Variants in KCNC2 observed in about 807,000 individuals in gnomAD.
KCNC2 encodes potassium voltage-gated channel subfamily C member 2.
A neutral mutation model predicts 44.5 loss-of-function variants in KCNC2; 21 were observed. The observed-to-expected ratio is 0.47, with a 90% CI of 0.33 to 0.68. KCNC2 has a LOEUF of 0.68. KCNC2 is among the 30% of genes least tolerant of loss of function. The pLI is 0.01. For missense variants in KCNC2, 589 were observed against 826.2 expected, an observed-to-expected ratio of 0.71 and a Z score of 3.52; for synonymous variants, 391 against 339.1, an observed-to-expected ratio of 1.15 and a Z score of -1.68.
intron 2 of KCNC2, among the ~76,000 whole-genome samples, chr12:75,090,109 T>A (rs1215430135): frequency 6.6e-6 from 1 of 151,706 alleles, no homozygotes. Flanking sequence ...TATAAGAAGT[T>A]CAAATTATCA....
chr12:75,132,516 C>T (rs1888925959), intron 2 of KCNC2, among the ~76,000 whole-genome samples: 1 of 151,962 alleles, frequency 6.6e-6, no homozygotes, highest in Admixed American at 6.6e-5. Flanking sequence ...ACTATTGGAA[C>T]AAAACAAAAT....
At chr12:75,166,355 T>C (rs1255183788) in intron 2 of KCNC2, among the ~76,000 whole-genome samples, 1 of 150,844 alleles carries the variant, frequency 6.6e-6, no homozygotes, top group African/African-American at 2.4e-5. Flanking sequence ...AATTCAACAA[T>C]TGCAGTTAGT....
At chr12:75,153,614 T>C (rs1890558590) in intron 2 of KCNC2, among the ~76,000 whole-genome samples, 1 of 151,174 alleles carries the variant, frequency 6.6e-6, no homozygotes, top group African/African-American at 2.4e-5. Flanking sequence ...CCCCTAAATC[T>C]ATAATAATAA....
At chr12:75,149,876 T>C (rs1394621348) in intron 2 of KCNC2, among the ~76,000 whole-genome samples, 2 of 151,912 alleles carry the variant, frequency 1.3e-5, no homozygotes, top group African/African-American at 4.8e-5. Context: ...AATGGAGGAT[T>C]ATTGAGACAA....
chr12:75,129,649 A>C (rs546737491), intron 2 of KCNC2, among the ~76,000 whole-genome samples: 1 of 152,306 alleles, frequency 6.6e-6, no homozygotes, highest in East Asian at 1.9e-4. Flanking sequence ...TAGAAACTGT[A>C]CTGGGTGAAG....
intron 4 of KCNC2, chr12:75,044,329 A>G (rs1423878419): frequency 6.6e-6 from 1 of 152,160 alleles, no homozygotes; most frequent in East Asian, 1.9e-4. Context: ...GGCAACCAAA[A>G]TTGAGCAAGT....
chr12:75,129,603 A>G (rs1345723239), intron 2 of KCNC2, among the ~76,000 whole-genome samples: 1 of 152,180 alleles, frequency 6.6e-6, no homozygotes, highest in East Asian at 1.9e-4. Flanking sequence ...TATTTCATAT[A>G]CACAAGTTGA....
At chr12:75,150,100 C>T (rs952541796) in intron 2 of KCNC2, among the ~76,000 whole-genome samples, 1 of 151,900 alleles carries the variant, frequency 6.6e-6, no homozygotes. Flanking sequence ...TATCCAGAGC[C>T]TGCTATAACT....
intron 2 of KCNC2, among the ~76,000 whole-genome samples, chr12:75,165,252 G>T (rs1443882414): frequency 3.3e-5 from 5 of 151,480 alleles, no homozygotes; most frequent in East Asian, 2.0e-4. Flanking sequence ...TACATAAAAT[G>T]CACAAAAGAG....
intron 2 of KCNC2, among the ~76,000 whole-genome samples, chr12:75,198,716 C>T (rs2030986040): frequency 6.6e-6 from 1 of 151,786 alleles, no homozygotes; most frequent in South Asian, 2.1e-4. Flanking sequence ...AGCATTTAAT[C>T]CTAAGTCAAT....
At chr12:75,205,814 T>C (rs960752872) in intron 2 of KCNC2, among the ~76,000 whole-genome samples, 1 of 149,704 alleles carries the variant, frequency 6.7e-6, no homozygotes, top group South Asian at 2.1e-4. Flanking sequence ...GAATATGCAC[T>C]TGCGGTTTTG....
intron 2 of KCNC2, among the ~76,000 whole-genome samples, chr12:75,105,361 C>A (rs573012313): frequency 5.3e-5 from 8 of 152,212 alleles, no homozygotes; most frequent in African/African-American, 1.9e-4. Context: ...AAGGGACAAA[C>A]TGATACAAGT....
chr12:75,188,732 T>C (rs2029908203), intron 2 of KCNC2, among the ~76,000 whole-genome samples: 1 of 151,482 alleles, frequency 6.6e-6, no homozygotes. Flanking sequence ...TGGTGGTGCG[T>C]GCCTGTAATC....
intron 2 of KCNC2, among the ~76,000 whole-genome samples, chr12:75,071,171 A>T (rs1883361485): frequency 6.6e-6 from 1 of 152,170 alleles, no homozygotes; most frequent in African/African-American, 2.4e-5. Flanking sequence ...CTCTTTATAT[A>T]GTTACTCTTT....
chr12:75,052,612 T>C lies in KCNC2; in HGVS notation c.688-1295A>G, dbSNP rs562285667. Among the ~76,000 whole-genome samples the C allele has an allele frequency of 3.3e-5, 5 of 152,260 alleles. No individual in the cohort carries two copies. The East Asian group carries it at 9.7e-4, about 29-fold the overall frequency. On this transcript the variant is annotated intron_variant, in intron 2 of 4. Coordinates refer to ENST00000549446, the MANE Select transcript of KCNC2 (RefSeq NM_139137.4). ...TTGTCAGTCAAGCGGAGGGAGGTTC[T>C]TACTTGAAAATAATAGAATGTATCC...
chr12:75,157,074 A>G (rs1035442474), intron 2 of KCNC2, among the ~76,000 whole-genome samples: 5 of 151,888 alleles, frequency 3.3e-5, no homozygotes, highest in Admixed American at 3.3e-4. Flanking sequence ...ACAAATAGTC[A>G]TTCTCCCTTC....
chr12:75,158,350 G>T (rs1890896571), intron 2 of KCNC2, among the ~76,000 whole-genome samples: 1 of 151,808 alleles, frequency 6.6e-6, no homozygotes, highest in Non-Finnish European at 1.5e-5. Context: ...ATTTTAATAA[G>T]AATTAAACCA....
At chr12:75,108,466 C>A (rs1291878274) in intron 2 of KCNC2, among the ~76,000 whole-genome samples, 1 of 152,194 alleles carries the variant, frequency 6.6e-6, no homozygotes, top group Non-Finnish European at 1.5e-5. Flanking sequence ...TGCCATTTTT[C>A]TCCTTTCAAC....
chr12:75,060,950 A>T (rs564776959), intron 2 of KCNC2, among the ~76,000 whole-genome samples: 18 of 152,280 alleles, frequency 1.2e-4, no homozygotes, highest in African/African-American at 3.8e-4. Context: ...ACTACTAAGT[A>T]GTTAAACTTC....
Sources: gnomAD v4.1 joint callset for allele counts (sites outside exome capture counted in the v4.1 genomes callset) on GRCh38, gnomAD v4.1.1 for gene constraint, MANE v1.5 for transcripts, NCBI Gene and HGNC (gene_info 2026-07-23, HGNC 2026-07-21) for gene names.